The following ITPR2 variants were observed in gnomAD, a reference collection of about 807,000 sequenced individuals.
The protein encoded by ITPR2 is inositol 1,4,5-trisphosphate-gated calcium channel ITPR2.
A neutral mutation model predicts 317.1 loss-of-function variants in ITPR2; 207 were observed. The observed-to-expected ratio is 0.65, with a 90% CI of 0.58 to 0.73. The LOEUF is 0.73. ITPR2 is among the 30% of genes least tolerant of loss of function. The pLI is 0.00. For missense variants in ITPR2, 2,613 were observed against 3,284.0 expected (o/e 0.80, Z 4.99); for synonymous variants, 1,156 against 1,149.1 (o/e 1.01, Z -0.12).
At chr12:26,411,604 T>A (rs1940553261) in intron 51 of ITPR2, among the ~76,000 whole-genome samples, 192 bp from the exon 52 acceptor site, 1 of 152,224 alleles carries the variant, frequency 6.6e-6, no homozygotes, top group Non-Finnish European at 1.5e-5. Flanking sequence ...AAATGGAGAA[T>A]AGCTTCATAG....
At chr12:26,714,535 C>G in intron 8 of ITPR2, among the ~76,000 whole-genome samples, 1 of 151,810 alleles carries the variant, frequency 6.6e-6, no homozygotes, top group Admixed American at 6.6e-5. Flanking sequence ...ACTAATTCTA[C>G]CTATTAGTAT....
At chr12:26,663,600 A>G in intron 15 of ITPR2, 85 bp downstream of exon 15, 1 of 1,230,916 alleles carries the variant, frequency 8.1e-7, no homozygotes, top group Non-Finnish European at 1.1e-6. Context: ...TCCCATTCCT[A>G]CTTTCTATGC....
At chr12:26,782,072 A>C (rs865887648) in intron 2 of ITPR2, among the ~76,000 whole-genome samples, 3,773 of 132,066 alleles carry the variant, frequency 0.029, 243 homozygotes, top group African/African-American at 0.11. Context: ...AGAGAGAGAG[A>C]GCGAGAGAGA....
intron 55 of ITPR2, among the ~76,000 whole-genome samples, chr12:26,367,308 T>C (rs1414961347): frequency 6.6e-6 from 1 of 152,232 alleles, no homozygotes; most frequent in African/African-American, 2.4e-5. Flanking sequence ...GCTTGTTCAA[T>C]AAATACTGCA....
Position 26,443,550 on chromosome 12 carries a change from T to A in ITPR2, c.6443A>T (p.Gln2148Leu). Residue 2148 changes from glutamine to leucine, a missense_variant, in exon 46 of 57, where the codon CAG (glutamine) becomes CTG (leucine). This residue lies in a region of ITPR2 where 926 missense variants were observed against 1,072.8 expected (regional missense o/e 0.86). Coordinates refer to ENST00000381340, the MANE Select transcript of ITPR2 (RefSeq NM_002223.4). The stretch of plus-strand genomic sequence containing the variant: ...TAAATAATAGATGGTTACCTCAATC[T>A]GTGCAGTGTGGTTGGCATAATACTT... ...ALKYYANHTA[Q>L]IEIVRHDRTM... 1 of 1,607,836 alleles carries A rather than the reference T, an allele frequency of 6.2e-7. No homozygotes were observed. The highest frequency in any genetic ancestry group is 8.5e-7 in the Non-Finnish European group (1 of 1,175,292).
intron 37 of ITPR2, 188 bp from the exon 38 acceptor site, chr12:26,495,448 C>T (rs892933906): frequency 4.5e-5 from 23 of 515,428 alleles, no homozygotes; most frequent in African/African-American, 4.4e-4. Flanking sequence ...CATTTTGCTT[C>T]TCATAATAAA....
intron 55 of ITPR2, among the ~76,000 whole-genome samples, chr12:26,346,822 A>G (rs117509345): frequency 0.014 from 2,073 of 152,276 alleles, 14 homozygotes; most frequent in Non-Finnish European, 0.023. Context: ...TCTGAGTCCC[A>G]GTTTCCTTAT....
intron 2 of ITPR2, among the ~76,000 whole-genome samples, chr12:26,785,413 C>G (rs1347204254): frequency 1.3e-5 from 1 of 74,978 alleles, no homozygotes; most frequent in Admixed American, 1.2e-4. Context: ...CCAGCCGCCC[C>G]GTCCAGGAGG....
At chr12:26,514,433 C>T (rs1474292420) in intron 37 of ITPR2, among the ~76,000 whole-genome samples, 1 of 152,208 alleles carries the variant, frequency 6.6e-6, no homozygotes, top group Non-Finnish European at 1.5e-5. Flanking sequence ...TCTGCTGTAT[C>T]AGATCAATTG....
chr12:26,481,390 T>C (rs1178443039), intron 42 of ITPR2, 149 bp from the exon 43 acceptor site: 3 of 574,864 alleles, frequency 5.2e-6, no homozygotes, highest in Non-Finnish European at 9.3e-6. Context: ...TATTCTTTTG[T>C]ATAGGGTCTG....
chr12:26,754,345 T>C (rs1195009904), intron 2 of ITPR2, among the ~76,000 whole-genome samples: 1 of 152,158 alleles, frequency 6.6e-6, no homozygotes, highest in Non-Finnish European at 1.5e-5. Flanking sequence ...ACATGTGGAG[T>C]TAGCCACACC....
chr12:26,708,029 C>T (rs1948586288), intron 9 of ITPR2, among the ~76,000 whole-genome samples: 1 of 151,812 alleles, frequency 6.6e-6, no homozygotes, highest in South Asian at 2.1e-4. Flanking sequence ...AGAGAAATGC[C>T]AACCAAAACT....
intron 30 of ITPR2, among the ~76,000 whole-genome samples, chr12:26,597,842 C>A (rs1417631286): frequency 6.6e-6 from 1 of 152,078 alleles, no homozygotes; most frequent in Admixed American, 6.6e-5. Flanking sequence ...AATTTTCTAA[C>A]CCCAGTGTGA....
chr12:26,784,295 C>CCCT (rs1565762279), intron 2 of ITPR2, among the ~76,000 whole-genome samples: 3 of 11,146 alleles, frequency 2.7e-4, no homozygotes, highest in Non-Finnish European at 6.4e-4. Flanking sequence ...CTCTCCCTCT[C>CCCT]CCTCTCCCTC....
intron 45 of ITPR2, among the ~76,000 whole-genome samples, chr12:26,470,296 A>AT (rs1211954722): frequency 2.0e-5 from 3 of 152,162 alleles, no homozygotes; most frequent in Non-Finnish European, 4.4e-5. Context: ...AGATTATATA[A>AT]TTAGATACAA....
At chr12:26,735,266 T>C (rs1345167354) in intron 2 of ITPR2, among the ~76,000 whole-genome samples, 1 of 152,198 alleles carries the variant, frequency 6.6e-6, no homozygotes, top group East Asian at 1.9e-4. Context: ...CCTCCCAAAG[T>C]GCTGGGATTA....
intron 9 of ITPR2, among the ~76,000 whole-genome samples, chr12:26,704,989 T>G (rs1262817229): frequency 6.6e-6 from 1 of 152,176 alleles, no homozygotes; most frequent in African/African-American, 2.4e-5. Context: ...ATATGTCTGT[T>G]AAAGTTGGAA....
intron 7 of ITPR2, 132 bp downstream of exon 7, chr12:26,715,620 T>G: frequency 2.6e-6 from 2 of 760,906 alleles, no homozygotes; most frequent in Non-Finnish European, 4.2e-6. Flanking sequence ...GTAAAACACT[T>G]AGAGTAAGTA....
intron 1 of ITPR2, among the ~76,000 whole-genome samples, chr12:26,830,092 T>C (rs184212446): frequency 4.9e-3 from 747 of 152,288 alleles, no homozygotes; most frequent in Middle Eastern, 0.017. Context: ...TTAATAGAGA[T>C]GGGGTTTCCC....
Sources: allele counts gnomAD v4.1 joint callset (sites outside exome capture counted in the v4.1 genomes callset), GRCh38; gene constraint gnomAD v4.1.1; regional missense constraint gnomAD v4.1.1; transcripts MANE v1.5; gene names NCBI Gene and HGNC (gene_info 2026-07-23, HGNC 2026-07-21).